Variants in RFX4 observed in about 807,000 individuals in gnomAD.
RFX4 encodes the protein regulatory factor X4, also known as transcription factor RFX4.
Under a neutral mutation model 95.0 loss-of-function variants are expected in RFX4, and 10 were observed. The ratio of observed to expected loss-of-function variants is 0.11; its 90% CI spans 0.06 to 0.18. The LOEUF is 0.18. Ranked by LOEUF, RFX4 falls within the 10% of genes least tolerant of loss-of-function variation. The pLI, the probability that RFX4 is intolerant of heterozygous loss-of-function variation, is 1.00. For synonymous variants in RFX4, 321 were observed against 340.7 expected (o/e 0.94, Z 0.64); for missense variants, 640 against 922.0 (o/e 0.69, Z 3.96).
At chr12:106,636,498 A>G (rs1301145549) in intron 2 of RFX4, among the ~76,000 whole-genome samples, 6 of 152,220 alleles carry the variant, frequency 3.9e-5, no homozygotes, top group Non-Finnish European at 7.3e-5. Context: ...GTTAGGATCA[A>G]TGATTGATTC....
chr12:106,597,545 T>C (rs2039639662), intron 1 of RFX4, among the ~76,000 whole-genome samples: 1 of 152,188 alleles, frequency 6.6e-6, no homozygotes, highest in Non-Finnish European at 1.5e-5. Flanking sequence ...ATAAACCCTG[T>C]GAGCTGTTAC....
intron 7 of RFX4, among the ~76,000 whole-genome samples, chr12:106,692,219 A>T: frequency 6.6e-6 from 1 of 151,996 alleles, no homozygotes; most frequent in East Asian, 1.9e-4. Flanking sequence ...TCCAGACTAC[A>T]TTGCACAATA....
intron 8 of RFX4, among the ~76,000 whole-genome samples, chr12:106,705,279 T>C (rs4964483): frequency 0.36 from 54,864 of 152,080 alleles, 10,023 homozygotes; most frequent in African/African-American, 0.41. Context: ...ACAGCATCAC[T>C]GCTGATGGGC....
intron 15 of RFX4, among the ~76,000 whole-genome samples, chr12:106,742,934 A>G (rs747854432): frequency 6.6e-4 from 100 of 152,246 alleles, no homozygotes; most frequent in Non-Finnish European, 1.1e-3. Context: ...ACAAATCATT[A>G]CTGATTGTCT....
intron 4 of RFX4, among the ~76,000 whole-genome samples, chr12:106,658,041 T>G (rs1429163439): frequency 1.3e-5 from 2 of 152,156 alleles, no homozygotes; most frequent in East Asian, 3.9e-4. Flanking sequence ...TCCTCTAGAA[T>G]GAAAGCTCTA....
intron 3 of RFX4, among the ~76,000 whole-genome samples, chr12:106,649,734 C>A (rs1353635575): frequency 6.6e-6 from 1 of 152,218 alleles, no homozygotes; most frequent in African/African-American, 2.4e-5. Flanking sequence ...GAAACTCATG[C>A]TGTTTAATGC....
At position 106,756,383 on chromosome 12, in the gene RFX4, C is replaced by T. The variant is rs77433056; in HGVS notation, c.1936-4814C>T. 4.5e-3 allele frequency among the ~76,000 whole-genome samples: 689 copies of T among 152,292 alleles called. 5 individuals are homozygous for T. The highest frequency in any genetic ancestry group is 6.9e-3 in the Non-Finnish European group (470 of 68,020). On this transcript the variant is annotated intron_variant, in intron 17 of 17. Transcript: ENST00000392842. ...ACCTTGAGCTCAAAAGCCATTTGAT[C>T]ACACTTAGACTGGAAAGCTGTCCCT...
intron 13 of RFX4, among the ~76,000 whole-genome samples, chr12:106,724,108 G>A (rs1272701030): frequency 6.6e-6 from 1 of 152,142 alleles, no homozygotes; most frequent in African/African-American, 2.4e-5. Context: ...CCCTCAATAT[G>A]ACAGACCAGG....
intron 5 of RFX4, chr12:106,682,439 A>G (rs2041534501): frequency 4.4e-6 from 1 of 229,036 alleles, no homozygotes; most frequent in African/African-American, 2.3e-5. Context: ...CAGAGAAGCA[A>G]AACTGTACTA....
chr12:106,637,560 G>A (rs951101331), intron 2 of RFX4, among the ~76,000 whole-genome samples: 1 of 151,520 alleles, frequency 6.6e-6, no homozygotes, highest in Non-Finnish European at 1.5e-5. Flanking sequence ...ATATTTGTAG[G>A]CTTTGACATT....
At chr12:106,590,107 T>C (rs945488946) in intron 1 of RFX4, among the ~76,000 whole-genome samples, 3 of 152,226 alleles carry the variant, frequency 2.0e-5, no homozygotes, top group African/African-American at 7.2e-5. Flanking sequence ...GAAAAAAACC[T>C]ATCTGGAGTA....
chr12:106,675,497 C>A (rs1047546411), intron 4 of RFX4, among the ~76,000 whole-genome samples: 1 of 151,686 alleles, frequency 6.6e-6, no homozygotes, highest in South Asian at 2.1e-4. Flanking sequence ...GTGTTCTCAC[C>A]ACAAAAAAAT....
intron 3 of RFX4, among the ~76,000 whole-genome samples, chr12:106,652,950 G>A (rs950045922): frequency 1.3e-5 from 2 of 152,094 alleles, no homozygotes; most frequent in Admixed American, 1.3e-4. Flanking sequence ...ATTGGGGGTG[G>A]GGGATGGTTT....
chr12:106,612,486 A>G (rs1277816657), intron 2 of RFX4, among the ~76,000 whole-genome samples: 2 of 152,262 alleles, frequency 1.3e-5, no homozygotes, highest in South Asian at 2.1e-4. Flanking sequence ...TTCATTTATT[A>G]GTTCTAACAG....
chr12:106,641,740 A>G (rs2040627041), intron 3 of RFX4, among the ~76,000 whole-genome samples: 1 of 152,178 alleles, frequency 6.6e-6, no homozygotes, highest in Non-Finnish European at 1.5e-5. Context: ...CAAGTTGTTC[A>G]AAGAACATTA....
At chr12:106,644,038 T>G (rs2137292176) in intron 3 of RFX4, among the ~76,000 whole-genome samples, 1 of 152,300 alleles carries the variant, frequency 6.6e-6, no homozygotes, top group Non-Finnish European at 1.5e-5. Context: ...GTCTCCTTTA[T>G]AAAAAGCATG....
At chr12:106,646,811 G>C in intron 3 of RFX4, among the ~76,000 whole-genome samples, 1 of 152,162 alleles carries the variant, frequency 6.6e-6, no homozygotes, top group Non-Finnish European at 1.5e-5. Context: ...TCTACACAAA[G>C]AGGGGGACAT....
At chr12:106,715,220 CAG>C (rs1415127906) in intron 10 of RFX4, 178 bp from the exon 11 acceptor site, 8 of 642,766 alleles carry the variant, frequency 1.2e-5, no homozygotes, top group Non-Finnish European at 2.1e-5. Flanking sequence ...TAGGAGAAAA[CAG>C]TGTCTGCGTC....
chr12:106,715,377 G>C (rs778105920), intron 10 of RFX4, 23 bp from the exon 11 acceptor site: 5 of 1,608,478 alleles, frequency 3.1e-6, no homozygotes, highest in Non-Finnish European at 4.3e-6. Context: ...ATGAGCTAAC[G>C]AGTTGATTGG....
Sources: gnomAD v4.1 joint callset for allele counts (sites outside exome capture counted in the v4.1 genomes callset) on GRCh38, gnomAD v4.1.1 for gene constraint, MANE v1.5 for transcripts, NCBI Gene and HGNC (gene_info 2026-07-23, HGNC 2026-07-21) for gene names.